GABPB1: variants seen among roughly 807,000 people sequenced by gnomAD.
GABPB1 encodes the protein GA-binding protein subunit beta-1.
Under a neutral mutation model 45.9 loss-of-function variants are expected in GABPB1, and 15 were observed. That is an observed-to-expected ratio of 0.33 (90% confidence interval 0.22 to 0.50). GABPB1 has a LOEUF of 0.50. GABPB1 is among the 20% of genes least tolerant of loss of function. The pLI is 0.98. For synonymous variants in GABPB1, 143 were observed against 154.4 expected, an observed-to-expected ratio of 0.93 and a Z score of 0.55; for missense variants, 252 against 457.5, an observed-to-expected ratio of 0.55 and a Z score of 4.10.
intron 3 of GABPB1, among the ~76,000 whole-genome samples, chr15:50,303,496 A>G (rs1173322110): frequency 6.6e-6 from 1 of 152,184 alleles, no homozygotes; most frequent in Non-Finnish European, 1.5e-5. Context: ...AGTCAAGCCA[A>G]TATGGTGAAA....
At chr15:50,282,562 A>AAAAAAAAAAAAAAAC (rs2046017248) in intron 8 of GABPB1, among the ~76,000 whole-genome samples, 2 of 148,120 alleles carry the variant, frequency 1.4e-5, no homozygotes, top group Admixed American at 1.3e-4. Context: ...TTAAAAAAGA[A>AAAAAAAAAAAAAAAC]AAAAAAAAAA....
chr15:50,334,408 C>T (rs1595825068), intron 1 of GABPB1, among the ~76,000 whole-genome samples: 2 of 151,540 alleles, frequency 1.3e-5, no homozygotes, highest in East Asian at 1.9e-4. Context: ...TTTATCTGAT[C>T]TATATTCCAG....
chr15:50,306,970 C>A (rs1206053506), intron 2 of GABPB1, among the ~76,000 whole-genome samples: 1 of 151,970 alleles, frequency 6.6e-6, no homozygotes, highest in Non-Finnish European at 1.5e-5. Flanking sequence ...TACTGATGAA[C>A]ATTTAGATTG....
chr15:50,317,881 CCTGGG>C (rs2047405796), intron 1 of GABPB1, among the ~76,000 whole-genome samples: 1 of 150,342 alleles, frequency 6.7e-6, no homozygotes. Flanking sequence ...CGCACTCCAG[CCTGGG>C]CGACAGAGCA....
chr15:50,283,676 A>G (rs2046067331), intron 8 of GABPB1, among the ~76,000 whole-genome samples: 1 of 151,988 alleles, frequency 6.6e-6, no homozygotes, highest in African/African-American at 2.4e-5. Context: ...ACACCCAGCT[A>G]ATTTTTGTAT....
intron 1 of GABPB1, among the ~76,000 whole-genome samples, chr15:50,333,922 A>G (rs2048029323): frequency 6.6e-6 from 1 of 151,394 alleles, no homozygotes; most frequent in Non-Finnish European, 1.5e-5. Context: ...CTCAGCTATT[A>G]GGGAGGCTGA....
chr15:50,303,301 C>A (rs2046822499), intron 3 of GABPB1, among the ~76,000 whole-genome samples, 178 bp from the exon 4 acceptor site: 1 of 152,170 alleles, frequency 6.6e-6, no homozygotes, highest in Non-Finnish European at 1.5e-5. Context: ...GTAATCCCAG[C>A]ACTTTGGGAG....
At chr15:50,330,101 G>C (rs1469356646) in intron 1 of GABPB1, among the ~76,000 whole-genome samples, 1 of 151,656 alleles carries the variant, frequency 6.6e-6, no homozygotes, top group East Asian at 1.9e-4. Context: ...ACGAGGTTTT[G>C]ACATGTTGCC....
At chr15:50,335,794 G>T (rs558345075) in intron 1 of GABPB1, among the ~76,000 whole-genome samples, 1 of 150,948 alleles carries the variant, frequency 6.6e-6, no homozygotes, top group African/African-American at 2.4e-5. Context: ...TACTCAGAAG[G>T]CTGAGGCAGG....
intron 6 of GABPB1, among the ~76,000 whole-genome samples, chr15:50,291,204 C>G (rs1282571702): frequency 6.6e-6 from 1 of 152,072 alleles, no homozygotes; most frequent in African/African-American, 2.4e-5. Context: ...CTATGTAAAC[C>G]CTTTGTGATA....
intron 4 of GABPB1, among the ~76,000 whole-genome samples, chr15:50,301,734 C>T (rs2046755312): frequency 6.6e-6 from 1 of 152,060 alleles, no homozygotes; most frequent in South Asian, 2.1e-4. Flanking sequence ...TCAAGACCAG[C>T]ATGGGCAACA....
chr15:50,329,059 G>A (rs1264972231), intron 1 of GABPB1, among the ~76,000 whole-genome samples: 1 of 152,034 alleles, frequency 6.6e-6, no homozygotes, highest in East Asian at 1.9e-4. Flanking sequence ...TTTTCGATTT[G>A]GCTTTTCCAT....
At chr15:50,307,576 C>A (rs2046991069) in intron 2 of GABPB1, among the ~76,000 whole-genome samples, 1 of 151,880 alleles carries the variant, frequency 6.6e-6, no homozygotes, top group African/African-American at 2.4e-5. Context: ...GTGGTGGGTG[C>A]CTGTAATCTC....
At chr15:50,308,358 T>A (rs1448763852) in intron 2 of GABPB1, among the ~76,000 whole-genome samples, 3 of 152,196 alleles carry the variant, frequency 2.0e-5, no homozygotes, top group African/African-American at 7.2e-5. Context: ...AGGCTGCAAG[T>A]GTGTAAAAAG....
intron 1 of GABPB1, among the ~76,000 whole-genome samples, chr15:50,334,429 T>C (rs2048046314): frequency 6.6e-6 from 1 of 152,174 alleles, no homozygotes; most frequent in Admixed American, 6.6e-5. Context: ...TTTGATAATT[T>C]TTCTGATGTG....
intron 2 of GABPB1, among the ~76,000 whole-genome samples, chr15:50,305,914 T>C (rs1163852843): frequency 6.6e-6 from 1 of 152,150 alleles, no homozygotes; most frequent in African/African-American, 2.4e-5. Flanking sequence ...CCCGAAGTGC[T>C]GGGATTATGG....
chr15:50,330,367 T>A (rs879836880), intron 1 of GABPB1, among the ~76,000 whole-genome samples: 1 of 152,218 alleles, frequency 6.6e-6, no homozygotes, highest in Non-Finnish European at 1.5e-5. Flanking sequence ...TACCATTGTA[T>A]ACTTTTAATT....
At chr15:50,279,637 A>C (rs2045914214) in intron 8 of GABPB1, among the ~76,000 whole-genome samples, 1 of 152,198 alleles carries the variant, frequency 6.6e-6, no homozygotes, top group Admixed American at 6.5e-5. Flanking sequence ...CATTTCAACG[A>C]ACCCATTCCC....
chr15:50,347,162 C>G (rs2048621134), intron 1 of GABPB1, among the ~76,000 whole-genome samples: 2 of 152,074 alleles, frequency 1.3e-5, no homozygotes, highest in Non-Finnish European at 2.9e-5. Context: ...CTCCCAAAGG[C>G]CCCATCTCCT....
Sources: gnomAD v4.1 joint callset for allele counts (sites outside exome capture counted in the v4.1 genomes callset) on GRCh38, gnomAD v4.1.1 for gene constraint, MANE v1.5 for transcripts, NCBI Gene and HGNC (gene_info 2026-07-23, HGNC 2026-07-21) for gene names.